The following RAP1A variants were observed in gnomAD, a reference collection of about 807,000 sequenced individuals.
RAP1A encodes RAP1A, member of RAS oncogene family.
In RAP1A, 6 loss-of-function variants were observed where a neutral mutation model predicts 26.4. That is an observed-to-expected ratio of 0.23 (90% CI 0.12 to 0.45). The LOEUF is 0.45. Ranked by LOEUF, RAP1A falls within the 20% of genes least tolerant of loss-of-function variation. RAP1A has a pLI of 0.99. For synonymous variants in RAP1A, 73 were observed against 79.4 expected (o/e 0.92, Z 0.43); for missense variants, 121 against 217.2 (o/e 0.56, Z 2.78).
intron 1 of RAP1A, among the ~76,000 whole-genome samples, chr1:111,634,601 A>T (rs1042221987): frequency 3.3e-5 from 5 of 149,414 alleles, no homozygotes; most frequent in Admixed American, 2.0e-4. Flanking sequence ...CTTTACATTT[A>T]TATATATATA....
chr1:111,547,763 C>G (rs1371097151), intron 1 of RAP1A, among the ~76,000 whole-genome samples: 2 of 152,132 alleles, frequency 1.3e-5, no homozygotes, highest in Non-Finnish European at 2.9e-5. Flanking sequence ...CAAAATTGAC[C>G]TTGTTTGATG....
chr1:111,670,473 TCAAA>T (rs1436967732), intron 1 of RAP1A, among the ~76,000 whole-genome samples: 1 of 151,918 alleles, frequency 6.6e-6, no homozygotes, highest in African/African-American at 2.4e-5. Flanking sequence ...AGACTCTGTC[TCAAA>T]CTAACAAACA....
At chr1:111,677,678 A>G (rs761137802) in intron 1 of RAP1A, among the ~76,000 whole-genome samples, 2 of 152,234 alleles carry the variant, frequency 1.3e-5, no homozygotes, top group African/African-American at 2.4e-5. Context: ...TTCACCTGAC[A>G]TGGTGACTGG....
intron 1 of RAP1A, among the ~76,000 whole-genome samples, chr1:111,543,422 G>A (rs975631351): frequency 6.6e-6 from 1 of 152,058 alleles, no homozygotes; most frequent in African/African-American, 2.4e-5. Context: ...CCGTCTATTC[G>A]CCACTCAGCA....
At chr1:111,605,320 G>C (rs1658749243) in intron 1 of RAP1A, among the ~76,000 whole-genome samples, 1 of 152,172 alleles carries the variant, frequency 6.6e-6, no homozygotes, top group Non-Finnish European at 1.5e-5. Context: ...CTTTGGAGAG[G>C]ACAGGGACAA....
chr1:111,692,897 G>A (rs1376684839), intron 2 of RAP1A, among the ~76,000 whole-genome samples: 1 of 152,148 alleles, frequency 6.6e-6, no homozygotes, highest in South Asian at 2.1e-4. Flanking sequence ...TGGGAACAAG[G>A]GTGGTAGATA....
At chr1:111,660,297 G>A (rs961177489) in intron 1 of RAP1A, among the ~76,000 whole-genome samples, 1 of 152,132 alleles carries the variant, frequency 6.6e-6, no homozygotes, top group Non-Finnish European at 1.5e-5. Context: ...TCTGCTATAG[G>A]TAAGATGTTT....
At chr1:111,641,384 G>T (rs1047740419) in intron 1 of RAP1A, among the ~76,000 whole-genome samples, 1 of 152,122 alleles carries the variant, frequency 6.6e-6, no homozygotes, top group African/African-American at 2.4e-5. Flanking sequence ...TTGCAACGCT[G>T]GCTTGGCTAT....
intron 1 of RAP1A, among the ~76,000 whole-genome samples, chr1:111,574,417 T>C (rs1408105847): frequency 6.6e-6 from 1 of 152,220 alleles, no homozygotes; most frequent in Non-Finnish European, 1.5e-5. Flanking sequence ...TCCTTTTGCT[T>C]AGGATTGCCT....
intron 1 of RAP1A, among the ~76,000 whole-genome samples, chr1:111,630,118 ATAGT>A (rs1391421456): frequency 9.9e-5 from 15 of 152,224 alleles, no homozygotes; most frequent in African/African-American, 3.6e-4. Context: ...CTGTTATAAG[ATAGT>A]TCATTTAATT....
chr1:111,615,395 T>C (rs1409919574), upstream of RAP1A, among the ~76,000 whole-genome samples: 11 of 151,792 alleles, frequency 7.2e-5, no homozygotes, highest in South Asian at 6.2e-4. Context: ...ATACCTGACC[T>C]AGGGTCGTGG....
At chr1:111,653,555 A>T (rs1265613271) in intron 1 of RAP1A, among the ~76,000 whole-genome samples, 3 of 152,004 alleles carry the variant, frequency 2.0e-5, no homozygotes, top group Admixed American at 2.0e-4. Context: ...GTGGTGGCAC[A>T]TGCCTGTAAT....
chr1:111,646,432 A>AAC lies in RAP1A; in HGVS notation c.-28+26499_-28+26500insCA, dbSNP rs1557876568. ...GTTTTCCTTTTTGTAAAAAAAAAAA[A>AAC]AACAAAACAAAACCTCAATTCCCAA... On this transcript the variant is annotated intron_variant, in intron 1 of 7. Coordinates refer to ENST00000369709, the MANE Select transcript of RAP1A (RefSeq NM_002884.4). Among the ~76,000 whole-genome samples, 2 of 135,718 alleles carry AAC rather than the reference A, an allele frequency of 1.5e-5. 1 individual carries two copies. The highest frequency in any genetic ancestry group is 6.4e-5 in the African/African-American group (2 of 31,008). 89.0% of individuals were successfully genotyped at this position (135,718 alleles called of 152,430 possible). A position where few individuals can be genotyped will look rare whatever the true frequency, so the allele number is the denominator to read the frequency against.
chr1:111,644,582 A>C (rs190372390), intron 1 of RAP1A, among the ~76,000 whole-genome samples: 1 of 152,316 alleles, frequency 6.6e-6, no homozygotes, highest in African/African-American at 2.4e-5. Context: ...TTTCCCAATA[A>C]AGTGTCACAA....
intron 1 of RAP1A, among the ~76,000 whole-genome samples, chr1:111,651,337 GTC>G (rs1660261542): frequency 6.6e-6 from 1 of 151,924 alleles, no homozygotes; most frequent in Non-Finnish European, 1.5e-5. Flanking sequence ...TTATGAAAAA[GTC>G]TTTTTCTGGT....
chr1:111,591,078 G>A (rs961925022), intron 1 of RAP1A, among the ~76,000 whole-genome samples: 3 of 152,104 alleles, frequency 2.0e-5, no homozygotes, highest in Non-Finnish European at 4.4e-5. Context: ...AATAGCTATA[G>A]TTTTCTAATT....
At position 111,597,767 on chromosome 1, in the gene RAP1A, T is replaced by C. The variant is rs531051791; in HGVS notation, c.-28+55258T>C. Among the ~76,000 whole-genome samples, 8 of 152,228 alleles carry C rather than the reference T, an allele frequency of 5.3e-5. No homozygotes were observed. In the East Asian group the frequency reaches 1.5e-3, roughly 29 times the overall value. On this transcript the variant is annotated intron_variant, in intron 1 of 7. Coordinates refer to the RAP1A transcript ENST00000356415. ...GTTGGCGGTGGAGGGGTGGGAACTT[T>C]CCTCTGACCAGCAACACTCAACAGG... is the stretch of plus-strand genomic sequence containing the variant.
intron 1 of RAP1A, among the ~76,000 whole-genome samples, chr1:111,688,874 G>A (rs180775587): frequency 2.1e-5 from 3 of 142,784 alleles, no homozygotes; most frequent in Admixed American, 7.4e-5. Context: ...TCACTCTATC[G>A]CCCAGGCAGG....
chr1:111,605,491 T>C (rs1658752406), intron 1 of RAP1A, among the ~76,000 whole-genome samples: 1 of 152,158 alleles, frequency 6.6e-6, no homozygotes, highest in Admixed American at 6.5e-5. Flanking sequence ...TGATGGACAA[T>C]GGGTGGACTG....
Sources: gnomAD v4.1 joint callset for allele counts (sites outside exome capture counted in the v4.1 genomes callset) on GRCh38, gnomAD v4.1.1 for gene constraint, MANE v1.5 for transcripts, NCBI Gene and HGNC (gene_info 2026-07-23, HGNC 2026-07-21) for gene names.